The following MAP3K7 variants were observed in gnomAD, a reference collection of about 807,000 sequenced individuals.
MAP3K7 encodes the protein mitogen-activated protein kinase kinase kinase 7.
A neutral mutation model predicts 84.8 loss-of-function variants in MAP3K7; 21 were observed. The ratio of observed to expected loss-of-function variants is 0.25; its 90% confidence interval spans 0.18 to 0.36. The LOEUF (loss-of-function observed/expected upper bound fraction) is 0.36, where lower values mean the gene tolerates loss of function less well. Among genes scored for constraint, MAP3K7 ranks in the 10% least tolerant of loss-of-function variants. MAP3K7 has a pLI of 1.00. For synonymous variants in MAP3K7, 241 were observed against 247.7 expected (o/e 0.97, Z 0.25); for missense variants, 503 against 747.7 (o/e 0.67, Z 3.82).
chr6:90,542,094 G>A, intron 12 of MAP3K7: 2 of 262,286 alleles, frequency 7.6e-6, no homozygotes, highest in Non-Finnish European at 1.2e-5. Context: ...CATAAAGCTT[G>A]TGGGAAATCC....
chr6:90,552,013 C>A, intron 8 of MAP3K7, 36 bp downstream of exon 8: 1 of 1,569,764 alleles, frequency 6.4e-7, no homozygotes, highest in Non-Finnish European at 8.7e-7. Context: ...TATTAAATTC[C>A]CCTAAATCCA....
At chr6:90,583,532 G>A (rs766318207) in intron 1 of MAP3K7, among the ~76,000 whole-genome samples, 1 of 152,174 alleles carries the variant, frequency 6.6e-6, no homozygotes, top group South Asian at 2.1e-4. Context: ...TTCTATAGGA[G>A]ACCATGATCA....
chr6:90,559,200 C>T (rs1321811432), intron 5 of MAP3K7, among the ~76,000 whole-genome samples: 3 of 152,116 alleles, frequency 2.0e-5, no homozygotes, highest in African/African-American at 7.2e-5. Context: ...ATAGCAAGAA[C>T]AGTGATTCTA....
At chr6:90,527,302 G>A (rs1005061707) in intron 13 of MAP3K7, among the ~76,000 whole-genome samples, 1 of 150,550 alleles carries the variant, frequency 6.6e-6, no homozygotes, top group East Asian at 1.9e-4. Flanking sequence ...TTGTTCTCTT[G>A]CCCAGGCTGG....
intron 5 of MAP3K7, among the ~76,000 whole-genome samples, chr6:90,557,323 A>G (rs1776368757): frequency 6.6e-6 from 1 of 152,208 alleles, no homozygotes; most frequent in Admixed American, 6.5e-5. Context: ...AATGGGTAAT[A>G]TAATTTGCAC....
chr6:90,579,657 T>C (rs1042642837), intron 1 of MAP3K7, among the ~76,000 whole-genome samples: 1 of 152,234 alleles, frequency 6.6e-6, no homozygotes, highest in East Asian at 1.9e-4. Flanking sequence ...CTTAGTTAAG[T>C]AGATTTACAG....
In MAP3K7 at chr6:90,515,154, T is replaced by G. The variant is rs539531555; in HGVS notation, c.*1347A>C. 38 of 152,110 alleles carry G rather than the reference T, an allele frequency of 2.5e-4. No homozygotes were observed. Among genetic ancestry groups the G allele is most frequent in the African/African-American group, 8.9e-4 (37 of 41,530 alleles). The allele number at this position is 152,110 out of a possible 1,614,324, so 9.4% of individuals were successfully genotyped here. ...GAATTCTAATAATCACAGCAATTAA[T>G]GCTTTCATTTTGAACTTTTTCTTCA... On this transcript the variant is annotated 3_prime_UTR_variant, in exon 17 of 17. Coordinates refer to ENST00000369329, the MANE Select transcript of MAP3K7 (RefSeq NM_145331.3).
In MAP3K7 at chr6:90,554,421, T is replaced by C. The variant is rs34327784; in HGVS notation, c.608-835A>G. Among the ~76,000 whole-genome samples, 347 of 152,254 alleles carry C rather than the reference T, an allele frequency of 2.3e-3. 2 individuals carry two copies. The highest frequency in any genetic ancestry group is 7.0e-3 in the African/African-American group (290 of 41,560). On this transcript the variant is annotated intron_variant, in intron 6 of 16. Coordinates refer to ENST00000369329, the MANE Select transcript of MAP3K7 (RefSeq NM_145331.3). ...TACACAGCAAAATTTACAAACTAAG[T>C]AGGTGGTTGAATCAGCCAGCACAAT... is the stretch of plus-strand genomic sequence containing the variant.
chr6:90,548,270 C>T, intron 9 of MAP3K7, 93 bp from the exon 10 acceptor site: 2 of 1,049,780 alleles, frequency 1.9e-6, no homozygotes, highest in South Asian at 1.8e-5. Context: ...TATAAACTAG[C>T]CAGGCAGGAA....
rs34305444 is a variant in MAP3K7, at chr6:90,585,976, T to C, written c.120+788A>G. Among the ~76,000 whole-genome samples the C allele has an allele frequency of 4.7e-3, 712 of 152,328 alleles. 7 individuals are homozygous for C. The highest frequency in any genetic ancestry group is 0.016 in the African/African-American group (672 of 41,574). On this transcript the variant is annotated intron_variant, in intron 1 of 16. Coordinates refer to ENST00000369329, the MANE Select transcript of MAP3K7 (RefSeq NM_145331.3). ...ATTCGGTGCTAAGGGAAACACTTTA[T>C]TAGACTTGATGATCTACTAATTTAA...
intron 3 of MAP3K7, among the ~76,000 whole-genome samples, chr6:90,562,589 G>A (rs1008693212): frequency 2.6e-5 from 4 of 152,208 alleles, no homozygotes; most frequent in African/African-American, 9.6e-5. Flanking sequence ...TTCGAACTGG[G>A]TGGAGCCCAC....
chr6:90,566,447 G>A (rs986106947), intron 3 of MAP3K7, among the ~76,000 whole-genome samples: 37 of 152,138 alleles, frequency 2.4e-4, no homozygotes, highest in African/African-American at 8.2e-4. Context: ...AATCATGAGT[G>A]AACTCCCATT....
rs534159382 is a variant in MAP3K7 at position 90,533,008 on chromosome 6, T to C, written c.1356+3329A>G. ...TGGATTCAAAACCTGGTTATAGGAA[T>C]TACTGGCAGTATAAGGAAGTAAGAG... is the stretch of plus-strand genomic sequence containing the variant. On this transcript the variant is annotated intron_variant, in intron 13 of 16. Transcript: ENST00000369329. 9.2e-5 allele frequency among the ~76,000 whole-genome samples: 14 copies of C among 152,288 alleles called. No homozygotes were observed. In the South Asian group the frequency reaches 2.9e-3, roughly 32 times the overall value.
At chr6:90,582,382 C>T (rs1777302718) in intron 1 of MAP3K7, among the ~76,000 whole-genome samples, 1 of 152,162 alleles carries the variant, frequency 6.6e-6, no homozygotes, top group African/African-American at 2.4e-5. Context: ...GTATAGAGAA[C>T]CTTCTAGGTT....
intron 12 of MAP3K7, among the ~76,000 whole-genome samples, chr6:90,538,422 A>C (rs143782687): frequency 6.6e-6 from 1 of 151,928 alleles, no homozygotes; most frequent in South Asian, 2.1e-4. Flanking sequence ...GTACATACCT[A>C]TATTATACAT....
intron 12 of MAP3K7, among the ~76,000 whole-genome samples, chr6:90,537,867 G>A (rs1775728565): frequency 6.6e-6 from 1 of 151,908 alleles, no homozygotes; most frequent in Non-Finnish European, 1.5e-5. Flanking sequence ...TGATGAGACA[G>A]GCTTGTAAAA....
chr6:90,527,779 C>T (rs1340319121), intron 13 of MAP3K7, among the ~76,000 whole-genome samples: 2 of 150,892 alleles, frequency 1.3e-5, no homozygotes, highest in Admixed American at 1.3e-4. Flanking sequence ...ATAACTTATA[C>T]ATTATATACA....
intron 7 of MAP3K7, among the ~76,000 whole-genome samples, chr6:90,553,253 T>C (rs1233171451): frequency 6.6e-6 from 1 of 152,138 alleles, no homozygotes; most frequent in African/African-American, 2.4e-5. Context: ...GCCGCATGTG[T>C]AGACCAGGAC....
intron 3 of MAP3K7, among the ~76,000 whole-genome samples, chr6:90,567,586 A>G (rs1776752365): frequency 6.6e-6 from 1 of 152,230 alleles, no homozygotes; most frequent in Admixed American, 6.5e-5. Context: ...GAGGATGTGG[A>G]GAAATAGGAA....
Sources: allele counts gnomAD v4.1 joint callset (sites outside exome capture counted in the v4.1 genomes callset), GRCh38; gene constraint gnomAD v4.1.1; transcripts MANE v1.5; gene names NCBI Gene and HGNC (gene_info 2026-07-23, HGNC 2026-07-21).